The following EPB41L4A variants were observed in gnomAD, a reference collection of about 807,000 sequenced individuals.
EPB41L4A encodes the protein erythrocyte membrane protein band 4.1 like 4A.
EPB41L4A carries 100 observed loss-of-function variants against 108.6 expected under a neutral mutation model. The ratio of observed to expected loss-of-function variants is 0.92; its 90% CI spans 0.78 to 1.09. The LOEUF (loss-of-function observed/expected upper bound fraction) is 1.09. Ranked by LOEUF, EPB41L4A falls within the 50% of genes least tolerant of loss-of-function variation. The pLI is 0.00. For missense variants in EPB41L4A, 1,030 were observed against 842.7 expected (o/e 1.22, Z -2.75); for synonymous variants, 319 against 289.0 (o/e 1.10, Z -1.05).
At chr5:112,327,357 G>T (rs548865585) in intron 1 of EPB41L4A, among the ~76,000 whole-genome samples, 95 of 152,062 alleles carry the variant, frequency 6.2e-4, no homozygotes, top group Non-Finnish European at 1.0e-3. Context: ...TACCTTTAAG[G>T]ATGTAGCAAT....
intron 9 of EPB41L4A, among the ~76,000 whole-genome samples, chr5:112,255,968 C>T (rs1458927142): frequency 6.6e-6 from 1 of 152,142 alleles, no homozygotes; most frequent in Non-Finnish European, 1.5e-5. Context: ...AGGCCAAACT[C>T]GTTTAAGTGA....
chr5:112,189,715 C>A (rs1382119807), intron 17 of EPB41L4A, among the ~76,000 whole-genome samples: 1 of 152,154 alleles, frequency 6.6e-6, no homozygotes, highest in Non-Finnish European at 1.5e-5. Flanking sequence ...GTCACCCACT[C>A]CTCCACATCT....
intron 2 of EPB41L4A, among the ~76,000 whole-genome samples, chr5:112,286,916 T>C (rs1294402153): frequency 6.6e-6 from 1 of 152,150 alleles, no homozygotes; most frequent in Non-Finnish European, 1.5e-5. Flanking sequence ...CATGGTCCCA[T>C]TTTAGTATTT....
intron 1 of EPB41L4A, among the ~76,000 whole-genome samples, chr5:112,379,626 G>C (rs1334390762): frequency 6.6e-6 from 1 of 152,148 alleles, no homozygotes; most frequent in Non-Finnish European, 1.5e-5. Flanking sequence ...ATCTGCAAAA[G>C]GAAGATGAGA....
chr5:112,360,114 G>A (rs376395), intron 1 of EPB41L4A, among the ~76,000 whole-genome samples: 101,300 of 151,982 alleles, frequency 0.67, 33,922 homozygotes, highest in South Asian at 0.82. Context: ...GATTCAATAG[G>A]AATCCAACAA....
At chr5:112,368,822 C>T (rs971076651) in intron 1 of EPB41L4A, among the ~76,000 whole-genome samples, 1 of 152,076 alleles carries the variant, frequency 6.6e-6, no homozygotes, top group Non-Finnish European at 1.5e-5. Flanking sequence ...TTTTTTTCTG[C>T]CCACTCCTTC....
chr5:112,158,684 T>A (rs1181462480), downstream of EPB41L4A, among the ~76,000 whole-genome samples: 3 of 152,204 alleles, frequency 2.0e-5, no homozygotes. Context: ...CACATCCTTT[T>A]GCACATGGCA....
intron 12 of EPB41L4A, among the ~76,000 whole-genome samples, chr5:112,220,809 C>T (rs921058542): frequency 3.0e-4 from 46 of 152,244 alleles, no homozygotes; most frequent in African/African-American, 1.1e-3. Flanking sequence ...CCCTGGAATC[C>T]CTCATGTGAT....
intron 17 of EPB41L4A, among the ~76,000 whole-genome samples, chr5:112,190,793 C>G (rs1396404785): frequency 6.6e-6 from 1 of 152,152 alleles, no homozygotes; most frequent in Non-Finnish European, 1.5e-5. Flanking sequence ...TATCAGCACA[C>G]AGCAAAACCA....
chr5:112,176,113 A>G (rs1216002220), intron 18 of EPB41L4A, among the ~76,000 whole-genome samples: 2 of 152,178 alleles, frequency 1.3e-5, no homozygotes, highest in Non-Finnish European at 2.9e-5. Context: ...ACCTGGGGGA[A>G]CTTACTAATA....
intron 1 of EPB41L4A, among the ~76,000 whole-genome samples, chr5:112,361,242 C>A (rs1360831200): frequency 6.6e-6 from 1 of 152,188 alleles, no homozygotes; most frequent in Non-Finnish European, 1.5e-5. Context: ...CTCTCTGAAA[C>A]ATGTGCTGTG....
intron 1 of EPB41L4A, among the ~76,000 whole-genome samples, chr5:112,377,964 T>A (rs1759925262): frequency 6.6e-6 from 1 of 152,192 alleles, no homozygotes; most frequent in Non-Finnish European, 1.5e-5. Flanking sequence ...AGAATCCACC[T>A]GTGACTTAAT....
Position 112,259,926 on chromosome 5 carries a change from C to T in EPB41L4A, c.696G>A (p.Val232=). The T allele has an allele frequency of 6.2e-7, 1 of 1,614,082 alleles. No homozygotes were observed. Among genetic ancestry groups the T allele is most frequent in the Non-Finnish European group, 8.5e-7 (1 of 1,179,934 alleles). ...TCCCCACTTGCTTTTTATTCTTGTA[C>T]ACAACAACACCAACCGGAGTTAATC... ...FLGLTPVGVV[V]YKNKKQVGKY... The change falls in exon 8 of 23, where the codon GTG becomes GTA. Residue 232 remains valine, a synonymous_variant. Coordinates refer to ENST00000261486, the MANE Select transcript of EPB41L4A (RefSeq NM_022140.5).
rs5870486 is a variant in EPB41L4A, at chr5:112,164,831, CAAAA to C, written c.*155_*158del. The C allele has an allele frequency of 0.014, 6,987 of 489,082 alleles. 318 individuals are homozygous for C. In the African/African-American group the frequency reaches 0.16, roughly 11 times the overall value. 30.3% of individuals were successfully genotyped at this position (489,082 alleles called of 1,614,324 possible). On this transcript the variant is annotated 3_prime_UTR_variant, in exon 23 of 23. Coordinates refer to ENST00000261486, the MANE Select transcript of EPB41L4A (RefSeq NM_022140.5). ...CCTGGGCGACAGAGTGATAACATCT[CAAAA>C]AAAAAAAAAAAAAGAAGCAAAAGAT...
chr5:112,177,006 T>G (rs1760902816), intron 18 of EPB41L4A, among the ~76,000 whole-genome samples: 1 of 152,024 alleles, frequency 6.6e-6, no homozygotes, highest in Non-Finnish European at 1.5e-5. Context: ...CGGCCTGCCT[T>G]GGCCTCCCAA....
intron 17 of EPB41L4A, among the ~76,000 whole-genome samples, chr5:112,185,092 C>CTTT (rs34741856): frequency 7.0e-6 from 1 of 142,472 alleles, no homozygotes; most frequent in African/African-American, 2.6e-5. Flanking sequence ...GCTGTGAAGC[C>CTTT]TTTTTTTTTT....
upstream of EPB41L4A, chr5:112,419,874 C>T (rs963720697): frequency 4.4e-6 from 2 of 456,670 alleles, no homozygotes; most frequent in Non-Finnish European, 8.8e-6. Flanking sequence ...CCGGGAATGC[C>T]TGCCGCGGCG....
At chr5:112,417,769 T>C (rs1427345711) in intron 1 of EPB41L4A, among the ~76,000 whole-genome samples, 1 of 152,134 alleles carries the variant, frequency 6.6e-6, no homozygotes, top group Non-Finnish European at 1.5e-5. Context: ...GGGTTAACAA[T>C]CTTGTAGCTT....
chr5:112,267,091 CTT>C (rs1201046453), intron 4 of EPB41L4A, among the ~76,000 whole-genome samples: 1 of 152,126 alleles, frequency 6.6e-6, no homozygotes, highest in Non-Finnish European at 1.5e-5. Context: ...TGTCATGTAA[CTT>C]TGATTAGTTT....
Sources: gnomAD v4.1 joint callset for allele counts (sites outside exome capture counted in the v4.1 genomes callset) on GRCh38, gnomAD v4.1.1 for gene constraint, MANE v1.5 for transcripts, NCBI Gene and HGNC (gene_info 2026-07-23, HGNC 2026-07-21) for gene names.